FAT1: variants seen among roughly 807,000 people sequenced by gnomAD.
The protein encoded by FAT1 is protocadherin Fat 1.
In FAT1, 171 loss-of-function variants were observed where a neutral mutation model predicts 329.8. The observed-to-expected ratio is 0.52, with a 90% CI of 0.46 to 0.59. The LOEUF is 0.59. FAT1 is among the 20% of genes least tolerant of loss of function. The pLI, the probability that FAT1 is intolerant of heterozygous loss-of-function variation, is 0.00. For synonymous variants in FAT1, 2,233 were observed against 2,228.6 expected (o/e 1.00, Z -0.06); for missense variants, 5,672 against 5,774.4 (o/e 0.98, Z 0.57).
At chr4:186,600,399 GA>G in intron 21 of FAT1, 39 bp from the exon 22 acceptor site, 1 of 1,531,688 alleles carries the variant, frequency 6.5e-7, no homozygotes, top group Non-Finnish European at 8.9e-7. Flanking sequence ...TACTCTCATA[GA>G]ACCTTCAATG....
rs1353495557 is a variant in FAT1 at position 186,587,954 on chromosome 4, T to C, written c.*638A>G. ...GGTATGCAGAAGGTCCCCGTTACAC[T>C]TTCCAATAATGAAAAATGTTTATAA... On this transcript the variant is annotated 3_prime_UTR_variant, in exon 27 of 27. Transcript: ENST00000441802. 1 of 217,574 alleles carries C rather than the reference T, an allele frequency of 4.6e-6. No individual in the cohort carries two copies. Among genetic ancestry groups the C allele is most frequent in the African/African-American group, 2.3e-5 (1 of 44,382 alleles). 13.5% of individuals were successfully genotyped at this position (217,574 alleles called of 1,614,324 possible). A position where few individuals can be genotyped will look rare whatever the true frequency, so the allele number is the denominator to read the frequency against.
intron 26 of FAT1, among the ~76,000 whole-genome samples, chr4:186,593,131 C>T (rs1738322183): frequency 6.6e-6 from 1 of 152,156 alleles, no homozygotes; most frequent in South Asian, 2.1e-4. Context: ...TGGTTCGCCA[C>T]TCTTCCGGCT....
chr4:186,610,705 ATAAATT>A (rs1739400655), intron 14 of FAT1, among the ~76,000 whole-genome samples: 1 of 65,204 alleles, frequency 1.5e-5, no homozygotes, highest in South Asian at 3.2e-4. Context: ...TTATATAAAT[ATAAATT>A]TATATAATTT....
chr4:186,716,457 T>G (rs912095747), intron 1 of FAT1, among the ~76,000 whole-genome samples: 20 of 152,040 alleles, frequency 1.3e-4, no homozygotes, highest in African/African-American at 4.6e-4. Flanking sequence ...AGACAGGGTC[T>G]TGCTCTATCT....
rs778226262 is a variant in FAT1 at position 186,619,489 on chromosome 4, C to T, written c.7097G>A (p.Gly2366Asp). ...HTIFVRAVDG[G>D]MPTLSSDVIV... is the part of the protein sequence containing the mutation. The stretch of plus-strand genomic sequence containing the variant: ...CACATCACTGCTCAGCGTGGGCATA[C>T]CACCATCAACTGCCCTCACAAAAAT... The change falls in exon 10 of 27, where the codon GGT becomes GAT. Residue 2366 changes from glycine (G) to aspartate (D), a missense_variant. Gly to Asp is a moderately conservative substitution (Grantham distance 94, BLOSUM62 -1). This residue lies in a region of FAT1 where 3,966 missense variants were observed against 3,915.2 expected (regional missense o/e 1.01). Transcript: ENST00000441802. The T allele has an allele frequency of 6.2e-7, 1 of 1,613,956 alleles. No homozygotes were observed. Among genetic ancestry groups the T allele is most frequent in the Non-Finnish European group, 8.5e-7 (1 of 1,179,894 alleles).
At chr4:186,715,975 G>A (rs1300897562) in intron 1 of FAT1, among the ~76,000 whole-genome samples, 1 of 152,058 alleles carries the variant, frequency 6.6e-6, no homozygotes, top group East Asian at 1.9e-4. Flanking sequence ...TACTGTGACT[G>A]CACATTCTTC....
intron 11 of FAT1, 141 bp from the exon 12 acceptor site, chr4:186,614,485 GA>G: frequency 1.7e-6 from 1 of 597,368 alleles, no homozygotes; most frequent in Non-Finnish European, 2.6e-6. Flanking sequence ...CAAGAGCTTT[GA>G]AAACGATTTT....
Position 186,596,899 on chromosome 4 carries a change from G to T in FAT1, c.12641C>A (p.Ala4214Asp), listed in dbSNP as rs559086104. Residue 4214 changes from alanine to aspartate, a missense_variant, in exon 25 of 27, where the codon GCT becomes GAT. Physicochemically the swap from Ala to Asp is moderately radical, Grantham distance 126. Coordinates refer to ENST00000441802, the MANE Select transcript of FAT1 (RefSeq NM_005245.4). This position sits in a 1 kb window ranked among gnomAD's most constrained non-coding sequence, Gnocchi z 4.7. ...TCCCAGGTGCTTGTCTTTAGGTTCAGCCTGATGCTTCTTTTTCCGACTAAT... is the reference window on the plus strand; with the variant it reads ...TCCCAGGTGCTTGTCTTTAGGTTCATCCTGATGCTTCTTTTTCCGACTAAT... ...KMISRKKKHQ[A>D]EPKDKHLGPA... 16 of 1,613,894 alleles carry T rather than the reference G, an allele frequency of 9.9e-6. No homozygotes were observed. The East Asian group carries it at 2.9e-4, about 29-fold the overall frequency.
rs116632226 is a variant in FAT1 at position 186,634,766 on chromosome 4, C to T, written c.4184-943G>A. 5.8e-3 allele frequency among the ~76,000 whole-genome samples: 891 copies of T among 152,370 alleles called. 11 individuals are homozygous for T. Among genetic ancestry groups the T allele is most frequent in the African/African-American group, 0.02 (841 of 41,588 alleles). On this transcript the variant is annotated intron_variant, in intron 6 of 26. Transcript: ENST00000441802. ...CTGTACAGGTCGGGTCACAAGTCAT[C>T]TGAAAGATGTAAAAAACTTCTCTAG...
At chr4:186,593,596 A>G (rs541155344) in intron 26 of FAT1, among the ~76,000 whole-genome samples, 1 of 152,302 alleles carries the variant, frequency 6.6e-6, no homozygotes, top group African/African-American at 2.4e-5. Flanking sequence ...AGGCGTTCCC[A>G]GTTACGGCTG....
At chr4:186,641,250 T>A (rs981677794) in intron 3 of FAT1, among the ~76,000 whole-genome samples, 3 of 152,192 alleles carry the variant, frequency 2.0e-5, no homozygotes, top group African/African-American at 7.2e-5. Flanking sequence ...ATATCATACC[T>A]CCACACTGGG....
intron 2 of FAT1, among the ~76,000 whole-genome samples, chr4:186,691,088 A>G (rs1743737828): frequency 6.6e-6 from 1 of 152,206 alleles, no homozygotes; most frequent in African/African-American, 2.4e-5. Context: ...GTAACGGTAA[A>G]AAGTGGCAGA....
Position 186,621,409 on chromosome 4 carries a change from T to C in FAT1, c.5177A>G (p.Asp1726Gly). 1 of 1,614,042 alleles carries C rather than the reference T, an allele frequency of 6.2e-7. No homozygotes were observed. The highest frequency in any genetic ancestry group is 8.5e-7 in the Non-Finnish European group (1 of 1,179,896). The change falls in exon 10 of 27, where the codon GAC (aspartate) becomes GGC (glycine). Residue 1726 changes from aspartate to glycine, a missense_variant. Coordinates refer to ENST00000441802, the MANE Select transcript of FAT1 (RefSeq NM_005245.4). ...SGTIITQKALDFETLPIYTLI... is the reference protein window; with the variant it reads ...SGTIITQKALGFETLPIYTLI... ...TGTGTAAATGGGCAAAGTTTCAAAGTCCAGGGCTTTCTGAGTGATGATAGT... is the reference window on the plus strand; with the variant it reads ...TGTGTAAATGGGCAAAGTTTCAAAGCCCAGGGCTTTCTGAGTGATGATAGT...
intron 13 of FAT1, among the ~76,000 whole-genome samples, chr4:186,612,313 C>A (rs180885094): frequency 6.3e-4 from 96 of 152,176 alleles, no homozygotes; most frequent in African/African-American, 2.3e-3. Flanking sequence ...ACCTAACAAA[C>A]CTTTACAAAT....
intron 2 of FAT1, among the ~76,000 whole-genome samples, chr4:186,679,730 T>C (rs1364561075): frequency 2.6e-5 from 4 of 152,214 alleles, no homozygotes; most frequent in Non-Finnish European, 4.4e-5. Flanking sequence ...GTCTACAGTT[T>C]AGAAGATGAT....
intron 2 of FAT1, among the ~76,000 whole-genome samples, chr4:186,680,042 C>T (rs1743139578): frequency 6.6e-6 from 1 of 152,320 alleles, no homozygotes; most frequent in South Asian, 2.1e-4. Context: ...TCTTCCAATG[C>T]TTTCATTACC....
chr4:186,669,341 C>A (rs73873684), intron 2 of FAT1, among the ~76,000 whole-genome samples: 3,623 of 152,272 alleles, frequency 0.024, 142 homozygotes, highest in African/African-American at 0.084. Context: ...GCCGTGCACA[C>A]GCAGTGAGAG....
chr4:186,599,514 GC>G (rs891748742), intron 22 of FAT1, among the ~76,000 whole-genome samples: 20 of 152,084 alleles, frequency 1.3e-4, no homozygotes, highest in African/African-American at 4.3e-4. Flanking sequence ...AATCTAGCAG[GC>G]CCCCTACGCT....
At chr4:186,713,180 C>T (rs1015557570) in intron 1 of FAT1, among the ~76,000 whole-genome samples, 2 of 151,990 alleles carry the variant, frequency 1.3e-5, no homozygotes, top group African/African-American at 2.4e-5. Flanking sequence ...TTCTCTCCAT[C>T]CTAGAATCCC....
Sources: allele counts gnomAD v4.1 joint callset (sites outside exome capture counted in the v4.1 genomes callset), GRCh38; gene constraint gnomAD v4.1.1; regional missense constraint gnomAD v4.1.1; non-coding constraint Gnocchi (gnomAD v3.1); transcripts MANE v1.5; gene names NCBI Gene and HGNC (gene_info 2026-07-23, HGNC 2026-07-21).